Variants in SGMS2 observed in about 807,000 individuals in gnomAD.
SGMS2 encodes sphingomyelin synthase 2, also known as phosphatidylcholine:ceramide cholinephosphotransferase 2.
SGMS2 carries 21 observed loss-of-function variants against 43.8 expected under a neutral mutation model. That is an observed-to-expected ratio of 0.48 (90% CI 0.34 to 0.69). SGMS2 has a LOEUF of 0.69. Among genes scored for constraint, SGMS2 ranks in the 30% least tolerant of loss-of-function variants. The pLI is 0.01. For missense variants in SGMS2, 384 were observed against 443.2 expected, an observed-to-expected ratio of 0.87 and a Z score of 1.20; for synonymous variants, 167 against 160.6, an observed-to-expected ratio of 1.04 and a Z score of -0.30.
chr4:107,834,706 A>G (rs571001688), intron 1 of SGMS2, among the ~76,000 whole-genome samples: 1 of 152,318 alleles, frequency 6.6e-6, no homozygotes, highest in Admixed American at 6.5e-5. Flanking sequence ...CTTAGAGTAG[A>G]CAATATCTCA....
intron 1 of SGMS2, among the ~76,000 whole-genome samples, chr4:107,837,288 A>G (rs796570912): frequency 8.5e-5 from 13 of 152,248 alleles, no homozygotes; most frequent in African/African-American, 3.1e-4. Flanking sequence ...ATAAGTTGAG[A>G]TTTGGACTAG....
intron 2 of SGMS2, among the ~76,000 whole-genome samples, chr4:107,873,027 A>G (rs1428871294): frequency 6.6e-6 from 1 of 152,192 alleles, no homozygotes; most frequent in Non-Finnish European, 1.5e-5. Flanking sequence ...TCTCAAAAGA[A>G]TGGTACCAAT....
At chr4:107,893,079 C>G (rs999765809) in intron 2 of SGMS2, 1 of 152,140 alleles carries the variant, frequency 6.6e-6, no homozygotes, top group Non-Finnish European at 1.5e-5. Flanking sequence ...AGTGTTCTTA[C>G]TCCCAGGGGC....
At chr4:107,839,827 G>C (rs1245511097) in intron 1 of SGMS2, among the ~76,000 whole-genome samples, 1 of 151,900 alleles carries the variant, frequency 6.6e-6, no homozygotes, top group East Asian at 1.9e-4. Flanking sequence ...TTTACTAGAG[G>C]GAGACACATT....
chr4:107,857,034 C>T (rs1479398686), intron 1 of SGMS2, among the ~76,000 whole-genome samples: 1 of 152,150 alleles, frequency 6.6e-6, no homozygotes. Context: ...TTCTCTTCTT[C>T]CCCTAGCCCT....
At chr4:107,886,975 A>G (rs964242864) in intron 2 of SGMS2, 25 of 152,368 alleles carry the variant, frequency 1.6e-4, no homozygotes, top group African/African-American at 5.8e-4. Flanking sequence ...TGTTCACAGG[A>G]GTATACTTTA....
At chr4:107,854,165 C>T (rs1375768932) in intron 1 of SGMS2, among the ~76,000 whole-genome samples, 4 of 152,208 alleles carry the variant, frequency 2.6e-5, no homozygotes. Context: ...TGATAAATCA[C>T]TGGGACATCA....
At chr4:107,856,125 A>G (rs1265096459) in intron 1 of SGMS2, among the ~76,000 whole-genome samples, 2 of 152,140 alleles carry the variant, frequency 1.3e-5, no homozygotes, top group East Asian at 1.9e-4. Context: ...AACCTTCTCT[A>G]TATTTACCTG....
In SGMS2 at chr4:107,912,458, C is replaced by A. The variant is rs145498682; in HGVS notation, c.*1905C>A. The A allele has an allele frequency of 2.7e-3, 412 of 152,226 alleles. 1 individual carries two copies. Among genetic ancestry groups the A allele is most frequent in the African/African-American group, 8.6e-3 (359 of 41,542 alleles). The allele number at this position is 152,226 out of a possible 1,614,324, so 9.4% of individuals were successfully genotyped here. On this transcript the variant is annotated 3_prime_UTR_variant, in exon 7 of 7. Transcript: ENST00000690982. ...CTTATATTCATTTATTAACTAGCAA[C>A]ACTTGTGCAAGAACAAGGTATTCTG...
intron 2 of SGMS2, among the ~76,000 whole-genome samples, chr4:107,892,598 C>T (rs1472937767): frequency 6.6e-6 from 1 of 152,092 alleles, no homozygotes; most frequent in Non-Finnish European, 1.5e-5. Flanking sequence ...AGTTTGGTTT[C>T]ATACATTTTA....
intron 2 of SGMS2, among the ~76,000 whole-genome samples, chr4:107,870,855 T>A (rs543673396): frequency 3.1e-4 from 47 of 152,222 alleles, no homozygotes; most frequent in Non-Finnish European, 5.3e-4. Context: ...TAAAAAGCAA[T>A]TTAAAGTGAT....
Position 107,897,088 on chromosome 4 carries a change from T to G in SGMS2, c.455+1080T>G, listed in dbSNP as rs376819508. 1.3e-4 allele frequency among the ~76,000 whole-genome samples: 20 copies of G among 152,370 alleles called. No individual in the cohort carries two copies. In the East Asian group the frequency reaches 1.5e-3, roughly 12 times the overall value. On this transcript the variant is annotated intron_variant, in intron 3 of 6. Coordinates refer to ENST00000690982, the MANE Select transcript of SGMS2 (RefSeq NM_001375905.1). ...TTTAGTTGGTAACACTTTTCATTAC[T>G]TGATCAATTATAGAACTCTCAATGT...
At chr4:107,888,856 ATTAT>A (rs1163037867) in intron 2 of SGMS2, among the ~76,000 whole-genome samples, 1 of 152,188 alleles carries the variant, frequency 6.6e-6, no homozygotes, top group Non-Finnish European at 1.5e-5. Context: ...TTTGTCTACA[ATTAT>A]TTATCCCATT....
At chr4:107,851,655 C>T (rs147716840) in intron 1 of SGMS2, among the ~76,000 whole-genome samples, 12 of 152,280 alleles carry the variant, frequency 7.9e-5, no homozygotes, top group African/African-American at 2.9e-4. Context: ...AGCAAATATC[C>T]TCTCTCCCTA....
intron 2 of SGMS2, among the ~76,000 whole-genome samples, chr4:107,888,187 G>C (rs1162619477): frequency 6.6e-6 from 1 of 152,236 alleles, no homozygotes; most frequent in Middle Eastern, 3.4e-3. Context: ...TACCTGGCCT[G>C]AAGATGGGGT....
intron 2 of SGMS2, among the ~76,000 whole-genome samples, chr4:107,876,166 A>T (rs1437127645): frequency 6.6e-6 from 1 of 152,204 alleles, no homozygotes; most frequent in Non-Finnish European, 1.5e-5. Flanking sequence ...GCACAAATGT[A>T]ATAACCAGTA....
Position 107,913,919 on chromosome 4 carries a change from T to C in SGMS2, c.*3366T>C, listed in dbSNP as rs1288697290. 4 of 152,158 alleles carry C rather than the reference T, an allele frequency of 2.6e-5. No homozygotes were observed. The highest frequency in any genetic ancestry group is 7.2e-5 in the African/African-American group (3 of 41,450). 9.4% of individuals were successfully genotyped at this position (152,158 alleles called of 1,614,324 possible). ...CTTTCTTAATTCTTTTTTGTTTTTG[T>C]TTTGCACTGTAAAACTGATGAAAAC... On this transcript the variant is annotated 3_prime_UTR_variant, in exon 7 of 7. Coordinates refer to ENST00000690982, the MANE Select transcript of SGMS2 (RefSeq NM_001375905.1).
chr4:107,882,489 T>C (rs1729438504), intron 2 of SGMS2, among the ~76,000 whole-genome samples: 1 of 152,304 alleles, frequency 6.6e-6, no homozygotes, highest in East Asian at 1.9e-4. Flanking sequence ...GCTCCTTATA[T>C]ATTCTGGTTA....
chr4:107,899,836 G>C, intron 4 of SGMS2, 144 bp downstream of exon 4: 1 of 493,460 alleles, frequency 2.0e-6, no homozygotes, highest in Admixed American at 3.3e-5. Context: ...GATTTGAGGG[G>C]AAGAAATTAA....
Sources: allele counts gnomAD v4.1 joint callset (sites outside exome capture counted in the v4.1 genomes callset), GRCh38; gene constraint gnomAD v4.1.1; transcripts MANE v1.5; gene names NCBI Gene and HGNC (gene_info 2026-07-23, HGNC 2026-07-21).